RMI1: variants seen among roughly 807,000 people sequenced by gnomAD.
RMI1 encodes recQ-mediated genome instability protein 1.
In RMI1, 36 loss-of-function variants were observed where a neutral mutation model predicts 46.7. That is an observed-to-expected ratio of 0.77 (90% CI 0.59 to 1.02). The LOEUF is 1.02. Ranked by LOEUF, RMI1 falls within the 50% of genes least tolerant of loss-of-function variation. The probability of loss-of-function intolerance (pLI) is 0.00; values close to 1 mark genes in which losing one functional copy is unlikely to be tolerated. For synonymous variants in RMI1, 250 were observed against 252.9 expected, an observed-to-expected ratio of 0.99 and a Z score of 0.11; for missense variants, 676 against 713.7, an observed-to-expected ratio of 0.95 and a Z score of 0.60.
intron 1 of RMI1, among the ~76,000 whole-genome samples, chr9:83,993,471 A>G (rs567778964): frequency 6.6e-6 from 1 of 152,292 alleles, no homozygotes; most frequent in African/African-American, 2.4e-5. Flanking sequence ...ATATCTCTTC[A>G]AGATCCTGTT....
At chr9:83,981,835 G>A (rs897089158) in intron 1 of RMI1, among the ~76,000 whole-genome samples, 53 of 152,252 alleles carry the variant, frequency 3.5e-4, no homozygotes, top group African/African-American at 1.2e-3. Flanking sequence ...GGCCATGATT[G>A]CATCCACCCA....
chr9:84,002,142 G>A lies in RMI1; in HGVS notation c.1156G>A (p.Asp386Asn). The change falls in exon 3 of 3, where the codon GAC becomes AAC. Residue 386 changes from aspartate to asparagine, a missense_variant. Transcript: ENST00000445877. ...KNVSEQMTNE[D>N]KSFGCPSVRD... ...TGTATCTGAACAAATGACTAATGAA[G>A]ACAAATCATTTGGTTGTCCATCTGT... 1 of 1,613,624 alleles carries A rather than the reference G, an allele frequency of 6.2e-7. No homozygotes were observed. The highest frequency in any genetic ancestry group is 1.1e-5 in the South Asian group (1 of 91,050).
chr9:83,995,866 G>A (rs536517703), intron 1 of RMI1, among the ~76,000 whole-genome samples: 1 of 152,074 alleles, frequency 6.6e-6, no homozygotes, highest in African/African-American at 2.4e-5. Context: ...TCCAAGATTT[G>A]CAGTAGATTC....
rs1287146335 is a variant in RMI1 at position 84,002,200 on chromosome 9, A to G, written c.1214A>G (p.His405Arg). ...RDQNRSIFSV[H>R]CNVPLAHDFT... is the part of the protein sequence containing the mutation. ...CAAAACAGGAGTATTTTTTCAGTTC[A>G]TTGTAATGTACCCTTAGCCCATGAT... Residue 405 changes from histidine to arginine, a missense_variant, in exon 3 of 3, where the codon CAT becomes CGT. Physicochemically the swap from His to Arg is conservative, Grantham distance 29. Coordinates refer to ENST00000445877, the MANE Select transcript of RMI1 (RefSeq NM_001358291.2). The G allele has an allele frequency of 6.2e-7, 1 of 1,613,564 alleles. No homozygotes were observed. Among genetic ancestry groups the G allele is most frequent in the Non-Finnish European group, 8.5e-7 (1 of 1,179,770 alleles).
intron 1 of RMI1, among the ~76,000 whole-genome samples, chr9:83,988,722 C>G (rs1957527389): frequency 1.3e-5 from 2 of 152,188 alleles, no homozygotes; most frequent in African/African-American, 4.8e-5. Context: ...TTTTATTTTA[C>G]ATGTGTAGTG....
At chr9:83,991,900 C>G (rs375317487) in intron 1 of RMI1, among the ~76,000 whole-genome samples, 3 of 152,096 alleles carry the variant, frequency 2.0e-5, no homozygotes, top group Non-Finnish European at 4.4e-5. Flanking sequence ...TATGAAGTGT[C>G]GATGTTATAT....
At chr9:83,989,075 T>A (rs1957531233) in intron 1 of RMI1, among the ~76,000 whole-genome samples, 1 of 152,162 alleles carries the variant, frequency 6.6e-6, no homozygotes, top group Non-Finnish European at 1.5e-5. Flanking sequence ...TCCAGGCTGG[T>A]CTTTATTTCC....
chr9:83,986,871 A>G (rs1465086323), intron 1 of RMI1, among the ~76,000 whole-genome samples: 1 of 152,216 alleles, frequency 6.6e-6, no homozygotes, highest in Non-Finnish European at 1.5e-5. Context: ...TTCAAAGTCA[A>G]CTGAAAGTAC....
chr9:84,001,429 G>C lies in RMI1; in HGVS notation c.443G>C (p.Gly148Ala). 6.2e-7 allele frequency: 1 copy of C among 1,614,066 alleles called. No homozygotes were observed. Among genetic ancestry groups the C allele is most frequent in the Non-Finnish European group, 8.5e-7 (1 of 1,179,980 alleles). ...ACTGATGGAATCGTACAAATACAGG[G>C]AATGGAATATCAGCCTATTCCAATT... The part of the protein sequence containing the change: ...QLTDGIVQIQ[G>A]MEYQPIPILH... Residue 148 changes from glycine (G) to alanine (A), a missense_variant, in exon 3 of 3, where the codon GGA becomes GCA. Physicochemically the swap from Gly to Ala is moderately conservative, Grantham distance 60 (BLOSUM62 0). Coordinates refer to ENST00000445877, the MANE Select transcript of RMI1 (RefSeq NM_001358291.2).
At chr9:83,981,316 G>A (rs959950789) in intron 1 of RMI1, among the ~76,000 whole-genome samples, 6 of 152,214 alleles carry the variant, frequency 3.9e-5, no homozygotes, top group African/African-American at 1.4e-4. Flanking sequence ...AAAATTTTTA[G>A]GCAATATGTA....
upstream of RMI1, chr9:83,980,561 A>G (rs1433386835): frequency 1.3e-5 from 2 of 152,846 alleles, no homozygotes; most frequent in South Asian, 2.1e-4. Flanking sequence ...CAGCAGAGAA[A>G]CAGAGGATAA....
intron 1 of RMI1, among the ~76,000 whole-genome samples, chr9:83,994,693 A>G (rs963792578): frequency 2.0e-5 from 3 of 151,974 alleles, no homozygotes; most frequent in Non-Finnish European, 2.9e-5. Context: ...TGATTTTTGT[A>G]TGTTTTGTAG....
In RMI1 at chr9:84,000,968, T is replaced by A; in HGVS notation, c.-19T>A. 6.5e-7 allele frequency: 1 copy of A among 1,547,706 alleles called. No homozygotes were observed. The highest frequency in any genetic ancestry group is 8.7e-7 in the Non-Finnish European group (1 of 1,149,858). On this transcript the variant is annotated 5_prime_UTR_variant, in exon 3 of 3. Coordinates refer to ENST00000445877, the MANE Select transcript of RMI1 (RefSeq NM_001358291.2). Reference sequence around the variant, plus strand: ...GTTTTCAGGTAATAGATGCATATTATTTCTTTTATTTAAAAGAAATGAATG... The same window carrying A: ...GTTTTCAGGTAATAGATGCATATTAATTCTTTTATTTAAAAGAAATGAATG...
chr9:84,000,344 T>C (rs1564084782), intron 2 of RMI1, among the ~76,000 whole-genome samples: 1 of 152,318 alleles, frequency 6.6e-6, no homozygotes, highest in South Asian at 2.1e-4. Context: ...TTAAATTTAG[T>C]GCTGTTCCGA....
chr9:83,991,640 CTT>C (rs1027781855), intron 1 of RMI1, among the ~76,000 whole-genome samples: 19 of 152,144 alleles, frequency 1.2e-4, no homozygotes, highest in African/African-American at 3.4e-4. Context: ...TCTAGGAAAA[CTT>C]TTAGGAAACC....
chr9:83,997,403 G>A (rs552429071), intron 1 of RMI1, among the ~76,000 whole-genome samples: 5 of 151,314 alleles, frequency 3.3e-5, no homozygotes, highest in African/African-American at 1.2e-4. Flanking sequence ...GAGCTACTGT[G>A]CCTGGCCCTT....
intron 1 of RMI1, among the ~76,000 whole-genome samples, chr9:83,988,063 G>A (rs748135568): frequency 1.1e-4 from 17 of 151,712 alleles, no homozygotes; most frequent in Non-Finnish European, 1.8e-4. Context: ...TTAATTTTTT[G>A]TAACAGATAG....
At chr9:83,990,672 C>A (rs1957559103) in intron 1 of RMI1, among the ~76,000 whole-genome samples, 1 of 152,016 alleles carries the variant, frequency 6.6e-6, no homozygotes, top group Admixed American at 6.6e-5. Context: ...TCCTAATTAC[C>A]CTGATTTGAT....
intron 1 of RMI1, among the ~76,000 whole-genome samples, chr9:83,988,142 C>T (rs758303581): frequency 1.3e-5 from 2 of 152,118 alleles, no homozygotes; most frequent in African/African-American, 2.4e-5. Flanking sequence ...CCTCAGTTTC[C>T]CCAAGTGCTG....
Sources: allele counts gnomAD v4.1 joint callset (sites outside exome capture counted in the v4.1 genomes callset), GRCh38; gene constraint gnomAD v4.1.1; transcripts MANE v1.5; gene names NCBI Gene and HGNC (gene_info 2026-07-23, HGNC 2026-07-21).